Variants in TLL2 observed in about 807,000 individuals in gnomAD.
TLL2 encodes tolloid-like protein 2.
Under a neutral mutation model 123.0 loss-of-function variants are expected in TLL2, and 106 were observed. That is an observed-to-expected ratio of 0.86 (90% CI 0.74 to 1.01). The LOEUF (loss-of-function observed/expected upper bound fraction) is 1.01, where lower values mean the gene tolerates loss of function less well. Among genes scored for constraint, TLL2 ranks in the 50% least tolerant of loss-of-function variants. The pLI is 0.00. For missense variants in TLL2, 1,332 were observed against 1,336.7 expected (o/e 1.00, Z 0.06); for synonymous variants, 494 against 516.8 (o/e 0.96, Z 0.60).
intron 2 of TLL2, among the ~76,000 whole-genome samples, chr10:96,460,173 T>C (rs1461870380): frequency 2.0e-5 from 3 of 152,186 alleles, no homozygotes; most frequent in Non-Finnish European, 4.4e-5. Context: ...TTGAAGATAA[T>C]AAATGATTAC....
At chr10:96,495,128 C>T (rs764595558) in intron 1 of TLL2, among the ~76,000 whole-genome samples, 1 of 152,128 alleles carries the variant, frequency 6.6e-6, no homozygotes, top group Non-Finnish European at 1.5e-5. Flanking sequence ...GTGAGGAAGA[C>T]TTCATAGATG....
chr10:96,378,818 C>T (rs2134054140), intron 17 of TLL2, 149 bp downstream of exon 17: 1 of 1,075,258 alleles, frequency 9.3e-7, no homozygotes, highest in Non-Finnish European at 1.3e-6. Flanking sequence ...CTGGGGAAAA[C>T]TCTCCCGCAA....
chr10:96,401,711 G>T (rs1846399125), intron 10 of TLL2, among the ~76,000 whole-genome samples: 2 of 152,118 alleles, frequency 1.3e-5, no homozygotes, highest in Non-Finnish European at 1.5e-5. Flanking sequence ...CAAGAAAAAG[G>T]AACTCCTGGA....
chr10:96,458,606 A>G (rs1847042031), intron 2 of TLL2, among the ~76,000 whole-genome samples: 1 of 148,732 alleles, frequency 6.7e-6, no homozygotes, highest in African/African-American at 2.5e-5. Flanking sequence ...AAAAAAAAAA[A>G]AAAAAAAAAA....
At position 96,479,530 on chromosome 10, in the gene TLL2, G is replaced by C. The variant is rs74151354; in HGVS notation, c.286+819C>G. ...CCATCCCCACTGCAATCAGCATAGT[G>C]AAGCTGCCCAAGCAGGCAGCCAGGA... On this transcript the variant is annotated intron_variant, in intron 2 of 20. Coordinates refer to ENST00000357947, the MANE Select transcript of TLL2 (RefSeq NM_012465.4). 4.3e-3 allele frequency among the ~76,000 whole-genome samples: 656 copies of C among 152,314 alleles called. 3 individuals carry two copies. The highest frequency in any genetic ancestry group is 0.017 in the Middle Eastern group (5 of 294).
intron 1 of TLL2, among the ~76,000 whole-genome samples, chr10:96,500,918 TG>T (rs1371576473): frequency 6.6e-6 from 1 of 152,146 alleles, no homozygotes; most frequent in Non-Finnish European, 1.5e-5. Context: ...CAACTTAAAT[TG>T]GTTTTGTATA....
chr10:96,465,593 C>A (rs1847121808), intron 2 of TLL2, among the ~76,000 whole-genome samples: 1 of 152,230 alleles, frequency 6.6e-6, no homozygotes, highest in Admixed American at 6.5e-5. Context: ...ATAGCTGAAG[C>A]TCTAGGATCC....
rs549450834 is a variant in TLL2, at chr10:96,481,862, T to C, written c.176-1403A>G. Among the ~76,000 whole-genome samples, 3 of 152,192 alleles carry C rather than the reference T, an allele frequency of 2.0e-5. No homozygotes were observed. The South Asian group carries it at 6.2e-4, about 32-fold the overall frequency. On this transcript the variant is annotated intron_variant, in intron 1 of 20. Coordinates refer to ENST00000357947, the MANE Select transcript of TLL2 (RefSeq NM_012465.4). The stretch of plus-strand genomic sequence containing the variant: ...GGAAGAGCTAACCTATCCTCATAAC[T>C]ACAGAAAAAAAGAAAGCTGAGAACT...
chr10:96,444,927 C>T (rs1263051946), intron 3 of TLL2, among the ~76,000 whole-genome samples: 1 of 152,208 alleles, frequency 6.6e-6, no homozygotes, highest in Non-Finnish European at 1.5e-5. Flanking sequence ...CGGTGGCTCA[C>T]GCCTGTAATC....
intron 2 of TLL2, among the ~76,000 whole-genome samples, chr10:96,476,241 T>TATATATATATATATATATATATATATA (rs1554939631): frequency 1.4e-5 from 1 of 72,402 alleles, no homozygotes; most frequent in Non-Finnish European, 2.7e-5. Flanking sequence ...TATATATATA[T>TATATATATATATATATATATATATATA]TTTATTTTTG....
intron 2 of TLL2, among the ~76,000 whole-genome samples, chr10:96,477,350 TA>T (rs1267404685): frequency 2.5e-5 from 2 of 78,718 alleles, no homozygotes; most frequent in African/African-American, 1.0e-4. Flanking sequence ...ATTTTAATTT[TA>T]ATTTTTTTTT....
chr10:96,413,777 G>C (rs1455210504), intron 7 of TLL2, among the ~76,000 whole-genome samples: 1 of 152,184 alleles, frequency 6.6e-6, no homozygotes, highest in Non-Finnish European at 1.5e-5. Flanking sequence ...AGCAAGTGCA[G>C]GTTGATGAAT....
chr10:96,449,550 A>C (rs1168551762), intron 2 of TLL2, among the ~76,000 whole-genome samples: 3 of 152,206 alleles, frequency 2.0e-5, no homozygotes, highest in African/African-American at 7.2e-5. Context: ...AGCACTGTCT[A>C]CCGGGGACCT....
rs1217455869 is a variant in TLL2 at position 96,405,845 on chromosome 10, T to G, written c.1165-511A>C. 2.6e-5 allele frequency among the ~76,000 whole-genome samples: 4 copies of G among 152,342 alleles called. No homozygotes were observed. The East Asian group carries it at 7.7e-4, about 29-fold the overall frequency. On this transcript the variant is annotated intron_variant, in intron 9 of 20. Coordinates refer to ENST00000357947, the MANE Select transcript of TLL2 (RefSeq NM_012465.4). ...TGACCTTCCTACAGTTAGTCCATTC[T>G]TTCATTCACTCCACCATTGTTTGTT... is the stretch of plus-strand genomic sequence containing the variant.
rs779355243 is a variant in TLL2, at chr10:96,420,983, A to C, written c.896T>G (p.Met299Arg). ...TGAGAAGGTGTTCCGGGCGTAGTGC[A>C]TGATGCTGTCAAAGTCGTATGTCTC... ...LGETYDFDSI[M>R]HYARNTFSRG... The change falls in exon 7 of 21, where the codon ATG becomes AGG. Residue 299 changes from methionine (M) to arginine (R), a missense_variant. Physicochemically the swap from Met to Arg is moderately conservative, Grantham distance 91. Transcript: ENST00000357947. 1 of 1,614,144 alleles carries C rather than the reference A, an allele frequency of 6.2e-7. No homozygotes were observed. The highest frequency in any genetic ancestry group is 8.5e-7 in the Non-Finnish European group (1 of 1,180,000).
At chr10:96,428,226 T>C (rs1459126254) in intron 5 of TLL2, among the ~76,000 whole-genome samples, 2 of 152,236 alleles carry the variant, frequency 1.3e-5, no homozygotes, top group African/African-American at 4.8e-5. Flanking sequence ...TGAAGGAAGT[T>C]TGTAAACCTG....
intron 10 of TLL2, among the ~76,000 whole-genome samples, chr10:96,405,017 A>T (rs1846436173): frequency 6.6e-6 from 1 of 152,220 alleles, no homozygotes; most frequent in Admixed American, 6.5e-5. Context: ...GTTCCCTAGG[A>T]TGAATTCCAA....
chr10:96,500,073 G>A (rs1847518366), intron 1 of TLL2, among the ~76,000 whole-genome samples: 1 of 136,292 alleles, frequency 7.3e-6, no homozygotes, highest in Admixed American at 8.5e-5. Flanking sequence ...TTGAGCCCAG[G>A]AGTTTGAGAC....
chr10:96,419,508 T>C (rs1846599001), intron 7 of TLL2, among the ~76,000 whole-genome samples: 1 of 152,158 alleles, frequency 6.6e-6, no homozygotes, highest in African/African-American at 2.4e-5. Flanking sequence ...TCTTTTACTA[T>C]CTTTGGAAAA....
Sources: allele counts gnomAD v4.1 joint callset (sites outside exome capture counted in the v4.1 genomes callset), GRCh38; gene constraint gnomAD v4.1.1; transcripts MANE v1.5; gene names NCBI Gene and HGNC (gene_info 2026-07-23, HGNC 2026-07-21).